POM121: variants seen among roughly 807,000 people sequenced by gnomAD.
POM121 encodes POM121 transmembrane nucleoporin.
In POM121, 32 loss-of-function variants were observed where a neutral mutation model predicts 81.3. The observed-to-expected ratio is 0.39, with a 90% confidence interval of 0.30 to 0.53. The LOEUF (loss-of-function observed/expected upper bound fraction) is 0.53. Ranked by LOEUF, POM121 falls within the 20% of genes least tolerant of loss-of-function variation. The pLI, the probability that POM121 is intolerant of heterozygous loss-of-function variation, is 0.66. For missense variants in POM121, 1,138 were observed against 1,614.6 expected (o/e 0.70, Z 5.06); for synonymous variants, 514 against 694.2 (o/e 0.74, Z 4.08).
chr7:72,939,320 C>G lies in POM121; in HGVS notation c.1368-16C>G. On this transcript the variant is annotated splice_polypyrimidine_tract_variant and intron_variant, in intron 6 of 12. Coordinates refer to ENST00000434423, the MANE Select transcript of POM121 (RefSeq NM_001387691.1). ...AGAAGCCTTTCTAGACTAAATTGTT[C>G]CTTTTTTCCTGACAGAGAAGAGGAG... The G allele has an allele frequency of 6.2e-7, 1 of 1,613,366 alleles. No homozygotes were observed. The highest frequency in any genetic ancestry group is 8.5e-7 in the Non-Finnish European group (1 of 1,179,608).
Position 72,905,337 on chromosome 7 carries a change from T to A in POM121, c.-215-8428T>A, listed in dbSNP as rs371287592. Reference sequence around the variant, plus strand: ...TTTAGAGATTTTCTGGTTTCTTTTTTAAATTGATTTAGTTTAATTCTTTTA... The same window carrying A: ...TTTAGAGATTTTCTGGTTTCTTTTTAAAATTGATTTAGTTTAATTCTTTTA... On this transcript the variant is annotated intron_variant, in intron 3 of 15. Transcript: ENST00000395270. Among the ~76,000 whole-genome samples the A allele has an allele frequency of 1.1e-4, 17 of 152,378 alleles. No individual in the cohort carries two copies. The East Asian group carries it at 1.7e-3, about 16-fold the overall frequency.
intron 3 of POM121, among the ~76,000 whole-genome samples, chr7:72,900,958 G>A (rs534824360): frequency 1.4e-4 from 21 of 149,112 alleles, no homozygotes; most frequent in Non-Finnish European, 2.1e-4. Flanking sequence ...TTTACCTAAA[G>A]TTTACTTTGG....
chr7:72,949,166 C>T (rs564208792), downstream of POM121: 121 of 1,302,580 alleles, frequency 9.3e-5, no homozygotes, highest in Admixed American at 4.2e-4. Flanking sequence ...AATCCTCGCT[C>T]CTGAAATCCT....
chr7:72,921,657 C>T (rs2129577250), upstream of POM121, among the ~76,000 whole-genome samples: 1 of 152,322 alleles, frequency 6.6e-6, no homozygotes, highest in Admixed American at 6.5e-5. Context: ...TCCACAACAG[C>T]ATGCGTTAAA....
At chr7:72,914,485 CTG>C (rs1423527848) in intron 4 of POM121, among the ~76,000 whole-genome samples, 2 of 149,912 alleles carry the variant, frequency 1.3e-5, no homozygotes, top group African/African-American at 2.5e-5. Context: ...AGGAATGAGA[CTG>C]TGTCTTTTTT....
chr7:72,895,011 A>G (rs1171162322), intron 3 of POM121, among the ~76,000 whole-genome samples: 4 of 152,082 alleles, frequency 2.6e-5, no homozygotes, highest in African/African-American at 7.2e-5. Flanking sequence ...AATTTTCTAT[A>G]GAAGTGGAGT....
intron 3 of POM121, among the ~76,000 whole-genome samples, chr7:72,894,795 T>A (rs375551199): frequency 1.3e-5 from 2 of 151,890 alleles, no homozygotes; most frequent in East Asian, 1.9e-4. Flanking sequence ...TAGCTGGCAC[T>A]ACAGGTGCGC....
In POM121 at chr7:72,929,144, T is replaced by A. The variant is rs1450143227; in HGVS notation, c.1103+679T>A. ...CAGCCCAAAGGGGTGGTGGTGGATG[T>A]TGGGGTTTTGGAGGTATGGAAGTAT... is the stretch of plus-strand genomic sequence containing the variant. On this transcript the variant is annotated intron_variant, in intron 4 of 12. Transcript: ENST00000434423. Among the ~76,000 whole-genome samples the A allele has an allele frequency of 4.6e-5, 7 of 152,236 alleles. No homozygotes were observed. In the East Asian group the frequency reaches 5.8e-4, roughly 13 times the overall value.
chr7:72,920,345 C>CTT (rs781909518), upstream of POM121, among the ~76,000 whole-genome samples: 368 of 112,520 alleles, frequency 3.3e-3, 4 homozygotes, highest in African/African-American at 0.012. Context: ...GAGTAATGGT[C>CTT]TTTTTTTTTT....
chr7:72,882,625 C>A (rs1451519540), intron 1 of POM121, among the ~76,000 whole-genome samples: 3 of 152,028 alleles, frequency 2.0e-5, no homozygotes, highest in Admixed American at 6.6e-5. Flanking sequence ...ATATCGTGAT[C>A]CAAGTAAACA....
chr7:72,948,598 C>A, downstream of POM121: 1 of 1,608,674 alleles, frequency 6.2e-7, no homozygotes, highest in Non-Finnish European at 8.5e-7. Flanking sequence ...TGAGGCTGAG[C>A]TAGAGAAATG....
At position 72,928,399 on chromosome 7, in the gene POM121, G is replaced by C; in HGVS notation, c.1037G>C (p.Ser346Thr). Residue 346 changes from serine (S) to threonine (T), a missense_variant, in exon 4 of 13, where the codon AGT (serine) becomes ACT (threonine). Physicochemically the swap from Ser to Thr is moderately conservative, Grantham distance 58. Around this residue, in one of 7 missense-constraint regions of POM121, gnomAD observed 646 missense variants for 633.5 expected, o/e 1.02. Transcript: ENST00000434423. Reference sequence around the variant, plus strand: ...ATTTGTCGCAGGCGCCATGATAGCAGTGGCAGTGGACATTCAGCATTTGAG... The same window carrying C: ...ATTTGTCGCAGGCGCCATGATAGCACTGGCAGTGGACATTCAGCATTTGAG... The part of the protein sequence containing the change: ...QENKRRRHDS[S>T]GSGHSAFEPL... 1 of 1,614,260 alleles carries C rather than the reference G, an allele frequency of 6.2e-7. No individual in the cohort carries two copies. The highest frequency in any genetic ancestry group is 1.3e-5 in the African/African-American group (1 of 75,080).
intron 4 of POM121, among the ~76,000 whole-genome samples, chr7:72,929,050 C>T (rs1311189924): frequency 1.3e-5 from 2 of 152,160 alleles, no homozygotes; most frequent in African/African-American, 4.8e-5. Flanking sequence ...TACTGCACTG[C>T]GAGGGAGGAT....
At chr7:72,926,583 G>C in intron 2 of POM121, 106 bp downstream of exon 2, 1 of 1,544,960 alleles carries the variant, frequency 6.5e-7, no homozygotes, top group Non-Finnish European at 8.8e-7. Context: ...GGACGAAGCT[G>C]CTTATTTGAT....
chr7:72,943,971 T>C (rs1359161571), intron 11 of POM121, among the ~76,000 whole-genome samples: 5 of 151,762 alleles, frequency 3.3e-5, no homozygotes, highest in African/African-American at 1.2e-4. Context: ...ACCCAGGAGT[T>C]GGAGGTTGCA....
chr7:72,886,380 G>T lies in POM121; in HGVS notation c.-520-4247G>T, dbSNP rs1255261711. Among the ~76,000 whole-genome samples the T allele has an allele frequency of 4.0e-4, 61 of 152,048 alleles. 1 individual carries two copies. Among genetic ancestry groups the T allele is most frequent in the Non-Finnish European group, 1.0e-4 (7 of 68,016 alleles). ...GTAGAGACGAGGTTTCGCCATGTTG[G>T]CCAGGCTGGTCTCGAACTCCTGACC... On this transcript the variant is annotated intron_variant, in intron 1 of 15. Transcript: ENST00000395270.
chr7:72,949,732 C>A, downstream of POM121: 1 of 769,002 alleles, frequency 1.3e-6, no homozygotes. Context: ...ATACCGTGAA[C>A]TACTTTGGTG....
intron 6 of POM121, among the ~76,000 whole-genome samples, 174 bp downstream of exon 6, chr7:72,938,855 A>G (rs541075223): frequency 1.3e-5 from 2 of 152,322 alleles, no homozygotes; most frequent in South Asian, 2.1e-4. Flanking sequence ...TCATCCCTAC[A>G]GTCTTGGATA....
chr7:72,926,944 G>A lies in POM121; in HGVS notation c.1003G>A (p.Gly335Ser), dbSNP rs781924385. Residue 335 changes from glycine (G) to serine (S), a missense_variant, in exon 3 of 13, where the codon GGC becomes AGC. Gly to Ser is a moderately conservative substitution (Grantham distance 56). Transcript: ENST00000434423. Reference sequence around the variant, plus strand: ...GGAAGAAGACCAAATATTCCTTGATGGCCAGGAAAATAAAAGAAGGTAACA... The same window carrying A: ...GGAAGAAGACCAAATATTCCTTGATAGCCAGGAAAATAAAAGAAGGTAACA... The part of the protein sequence containing the change: ...VEEEDQIFLD[G>S]QENKRRRHDS... The A allele has an allele frequency of 6.2e-6, 10 of 1,613,840 alleles. No homozygotes were observed. The highest frequency in any genetic ancestry group is 5.5e-5 in the South Asian group (5 of 91,078).
Sources: allele counts gnomAD v4.1 joint callset (sites outside exome capture counted in the v4.1 genomes callset), GRCh38; gene constraint gnomAD v4.1.1; regional missense constraint gnomAD v4.1.1; transcripts MANE v1.5; gene names NCBI Gene and HGNC (gene_info 2026-07-23, HGNC 2026-07-21).